SPIN3: variants seen among roughly 807,000 people sequenced by gnomAD.
The protein encoded by SPIN3 is spindlin family member 3.
For missense variants in SPIN3, 176 were observed against 196.4 expected (o/e 0.90, Z 0.62); for synonymous variants, 74 against 74.3 (o/e 1.00, Z 0.02).
In SPIN3 at chrX:56,995,237, C is replaced by T. The variant is rs1430561386; in HGVS notation, c.-24G>A. 3 of 297,951 alleles carry T rather than the reference C, an allele frequency of 1.0e-5. No individual in the cohort carries two copies. Among genetic ancestry groups the T allele is most frequent in the Non-Finnish European group, 1.8e-5 (3 of 171,356 alleles). The allele number at this position is 297,951 out of a possible 1,213,427, so 24.6% of individuals were successfully genotyped here. A position where few individuals can be genotyped will look rare whatever the true frequency, so the allele number is the denominator to read the frequency against. ...CTACCCGGCCAGGAGGCGCAGATTC[C>T]CCACCGTCCCGGATTGCGGGCCTCA... On this transcript the variant is annotated 5_prime_UTR_variant, in exon 1 of 2. Transcript: ENST00000374919.
chrX:56,989,257 C>T (rs895413732), downstream of SPIN3, among the ~76,000 whole-genome samples: 8 of 111,139 alleles, frequency 7.2e-5, no homozygotes, highest in African/African-American at 9.8e-5. Flanking sequence ...TTGAACTTAA[C>T]GCTAAATGCA....
downstream of SPIN3, among the ~76,000 whole-genome samples, chrX:56,986,260 C>A (rs965642361): frequency 9.0e-6 from 1 of 111,129 alleles, no homozygotes; most frequent in Non-Finnish European, 1.9e-5. Flanking sequence ...ACAGTAGGAA[C>A]AAAGTGTGTG....
downstream of SPIN3, among the ~76,000 whole-genome samples, chrX:56,990,657 G>A (rs898604220): frequency 3.5e-4 from 39 of 111,607 alleles, 1 homozygote; most frequent in Admixed American, 9.5e-5. Context: ...AATACGTTAT[G>A]TTCACATATA....
In SPIN3 at chrX:56,983,563, A is replaced by G. The variant is rs1027500061; in HGVS notation, c.*204+703T>C. ...CACCATTTGAATTACTGTGTGGGTG[A>G]ATCTGATAGTGTGTGTGCAGTGATT... is the stretch of plus-strand genomic sequence containing the variant. On this transcript the variant is annotated intron_variant and NMD_transcript_variant, in intron 3 of 5. Coordinates refer to the SPIN3 transcript ENST00000475785. 3.5e-5 allele frequency among the ~76,000 whole-genome samples: 4 copies of G among 112,899 alleles called. No individual in the cohort carries two copies. The South Asian group carries it at 1.5e-3, about 41-fold the overall frequency.
chrX:56,994,849 T>C lies in SPIN3; in HGVS notation c.99A>G (p.Ala33=). The change falls in exon 2 of 2, where the codon GCA becomes GCG. Residue 33 remains alanine (A), a synonymous_variant. Transcript: ENST00000374919. ...TGGGTCGGCTCCTATGCTTCTTGTGTGCAGCCTTCCTCTTTATCATGGTAA... is the reference window on the plus strand; with the variant it reads ...TGGGTCGGCTCCTATGCTTCTTGTGCGCAGCCTTCCTCTTTATCATGGTAA... The part of the protein sequence containing the change: ...VSVTMIKRKA[A]HKKHRSRPTS... 8.3e-7 allele frequency: 1 copy of C among 1,211,898 alleles called. No individual in the cohort carries two copies. The highest frequency in any genetic ancestry group is 1.1e-6 in the Non-Finnish European group (1 of 895,566).
At chrX:56,987,221 GC>G (rs1924239429), downstream of SPIN3, among the ~76,000 whole-genome samples, 1 of 112,191 alleles carries the variant, frequency 8.9e-6, no homozygotes, top group Non-Finnish European at 1.9e-5. Flanking sequence ...TGTTAGCTGT[GC>G]AGAACAGTAG....
At chrX:56,975,861 G>A (rs980748734), downstream of SPIN3, 3 of 68,394 alleles carry the variant, frequency 4.4e-5, no homozygotes, top group Non-Finnish European at 1.2e-4. Flanking sequence ...CTTATTGAGT[G>A]GTTGGTCCAC....
At position 56,994,752 on chromosome X, in the gene SPIN3, T is replaced by C; in HGVS notation, c.196A>G (p.Thr66Ala). 8.3e-7 allele frequency: 1 copy of C among 1,211,752 alleles called. No individual in the cohort carries two copies. Among genetic ancestry groups the C allele is most frequent in the Non-Finnish European group, 1.1e-6 (1 of 895,484 alleles). ...TCCAGAACGGTTCCTTTCCACTGTG[T>C]TAGAGGTTCATCTCCATCTTTCCAT... ...HGWKDGDEPLTQWKGTVLDQV... is the reference protein window; with the variant it reads ...HGWKDGDEPLAQWKGTVLDQV... Residue 66 changes from threonine to alanine, a missense_variant, in exon 2 of 2, where the codon ACA becomes GCA. Thr to Ala is a moderately conservative substitution (Grantham distance 58). Coordinates refer to ENST00000374919, the MANE Select transcript of SPIN3 (RefSeq NM_001010862.3).
downstream of SPIN3, among the ~76,000 whole-genome samples, chrX:56,987,754 A>G (rs1178674755): frequency 8.9e-6 from 1 of 112,119 alleles, no homozygotes; most frequent in Non-Finnish European, 1.9e-5. Context: ...CTCAGTTCTT[A>G]GCAGAGATTA....
At chrX:56,984,695 C>T (rs1204799486) in intron 2 of SPIN3, among the ~76,000 whole-genome samples, 1 of 110,923 alleles carries the variant, frequency 9.0e-6, no homozygotes, top group African/African-American at 3.3e-5. Context: ...AGGTCTCTGT[C>T]CATGGTCATC....
chrX:56,977,745 C>G (rs1226738393), intron 5 of SPIN3: 1 of 111,294 alleles, frequency 9.0e-6, no homozygotes, highest in Non-Finnish European at 1.9e-5. Context: ...ATGGATTAAT[C>G]CACTGACAGA....
chrX:56,979,576 A>G (rs1332800945), intron 3 of SPIN3: 1 of 112,264 alleles, frequency 8.9e-6, no homozygotes, highest in Non-Finnish European at 1.9e-5. Context: ...CTGAATATGA[A>G]TTAAACTGTA....
intron 1 of SPIN3, 132 bp from the exon 2 acceptor site, chrX:56,995,081 A>G (rs978937801): frequency 2.6e-6 from 2 of 779,824 alleles, no homozygotes; most frequent in Non-Finnish European, 3.5e-6. Context: ...AAAGCTAGAT[A>G]GCAAAGCTGG....
rs1924455282 is a variant in SPIN3 at position 56,994,915 on chromosome X, C to T, written c.33G>A (p.Gly11=). 4 of 1,201,568 alleles carry T rather than the reference C, an allele frequency of 3.3e-6. No homozygotes were observed. The highest frequency in any genetic ancestry group is 4.5e-6 in the Non-Finnish European group (4 of 890,616). ...GGCCAGCGCCCGTCCTGGACCGCTG[C>T]CCTGCAGCTGCCTTTCCAAACGGGG... MKTPFGKAAA[G]QRSRTGAGHG... Residue 11 remains glycine (G), a synonymous_variant, in exon 2 of 2, where the codon GGG becomes GGA. Transcript: ENST00000374919.
downstream of SPIN3, among the ~76,000 whole-genome samples, chrX:56,989,604 G>A (rs1298709076): frequency 9.0e-6 from 1 of 111,381 alleles, no homozygotes; most frequent in African/African-American, 3.3e-5. Flanking sequence ...GTAAGCAAGC[G>A]AAGCTTCATC....
chrX:56,988,344 T>A (rs965310608), downstream of SPIN3, among the ~76,000 whole-genome samples: 27 of 111,244 alleles, frequency 2.4e-4, no homozygotes, highest in Admixed American at 2.5e-3. Context: ...AAAGCCAAGT[T>A]TTTTTTGCCC....
chrX:56,978,166 T>A (rs888122059), intron 5 of SPIN3: 2 of 111,760 alleles, frequency 1.8e-5, no homozygotes, highest in African/African-American at 6.5e-5. Flanking sequence ...TGATTGTCTT[T>A]AATCAAACCA....
downstream of SPIN3, among the ~76,000 whole-genome samples, chrX:56,987,476 CT>C (rs760694732): frequency 1.8e-5 from 2 of 111,643 alleles, no homozygotes; most frequent in Admixed American, 9.5e-5. Context: ...CATTGCTCTG[CT>C]TTTTTGTTCT....
downstream of SPIN3, among the ~76,000 whole-genome samples, chrX:56,986,996 T>G (rs1924234601): frequency 9.0e-6 from 1 of 111,728 alleles, no homozygotes; most frequent in African/African-American, 3.3e-5. Context: ...CCAGGCATGG[T>G]GTTGCATGCC....
Sources: allele counts gnomAD v4.1 joint callset (sites outside exome capture counted in the v4.1 genomes callset), GRCh38; gene constraint gnomAD v4.1.1; transcripts MANE v1.5; gene names NCBI Gene and HGNC (gene_info 2026-07-23, HGNC 2026-07-21).